Variants in CALB2 observed in about 807,000 individuals in gnomAD.
The protein encoded by CALB2 is calbindin 2.
A neutral mutation model predicts 45.9 loss-of-function variants in CALB2; 34 were observed. The ratio of observed to expected loss-of-function variants is 0.74; its 90% CI spans 0.56 to 0.99. The LOEUF (loss-of-function observed/expected upper bound fraction) is 0.99, where lower values mean the gene tolerates loss of function less well. CALB2 is among the 50% of genes least tolerant of loss of function. The pLI is 0.00. For missense variants in CALB2, 344 were observed against 339.3 expected (o/e 1.01, Z -0.11); for synonymous variants, 142 against 129.6 (o/e 1.10, Z -0.65).
intron 1 of CALB2, among the ~76,000 whole-genome samples, chr16:71,369,541 G>C (rs909287762): frequency 2.6e-5 from 4 of 152,140 alleles, no homozygotes; most frequent in Non-Finnish European, 5.9e-5. Flanking sequence ...TGCTCTGCGG[G>C]CTTCCCCTAC....
At chr16:71,387,769 C>T (rs1177959849) in intron 10 of CALB2, among the ~76,000 whole-genome samples, 2 of 152,160 alleles carry the variant, frequency 1.3e-5, no homozygotes, top group Non-Finnish European at 2.9e-5. Context: ...CCTTCCTTGG[C>T]TTCTGATTAA....
At chr16:71,371,636 C>T (rs2042352227) in intron 1 of CALB2, among the ~76,000 whole-genome samples, 1 of 152,150 alleles carries the variant, frequency 6.6e-6, no homozygotes, top group African/African-American at 2.4e-5. Flanking sequence ...CTCCATGAAG[C>T]CTTCTTACAA....
chr16:71,377,577 T>G (rs1238124773), intron 3 of CALB2, 90 bp from the exon 4 acceptor site: 1 of 836,018 alleles, frequency 1.2e-6, no homozygotes. Flanking sequence ...GCCTCGCCAC[T>G]GGCCCTTTCC....
intron 1 of CALB2, among the ~76,000 whole-genome samples, chr16:71,364,941 C>A (rs533238751): frequency 1.3e-5 from 2 of 152,282 alleles, no homozygotes; most frequent in East Asian, 3.9e-4. Flanking sequence ...AATCTCCTTC[C>A]CCCTCCGATT....
chr16:71,385,528 C>T, intron 9 of CALB2, 49 bp from the exon 10 acceptor site: 1 of 1,565,066 alleles, frequency 6.4e-7, no homozygotes, highest in Non-Finnish European at 8.8e-7. Flanking sequence ...GTCGGGACAG[C>T]AGGGGCCCAG....
At chr16:71,370,272 C>A (rs563575108) in intron 1 of CALB2, among the ~76,000 whole-genome samples, 1 of 152,202 alleles carries the variant, frequency 6.6e-6, no homozygotes, top group Non-Finnish European at 1.5e-5. Context: ...CCCCCCACAA[C>A]CCCTCACAGA....
chr16:71,377,552 C>A (rs533404802), intron 3 of CALB2, 115 bp from the exon 4 acceptor site: 1 of 681,390 alleles, frequency 1.5e-6, no homozygotes, highest in African/African-American at 1.8e-5. Context: ...AGGAAGAAAA[C>A]GCAATTCCCA....
chr16:71,380,699 C>T (rs1411364164), intron 4 of CALB2, among the ~76,000 whole-genome samples: 1 of 152,080 alleles, frequency 6.6e-6, no homozygotes, highest in Admixed American at 6.6e-5. Flanking sequence ...GGGACCCCAC[C>T]CTCCCACAGT....
At chr16:71,369,989 A>G (rs974893525) in intron 1 of CALB2, among the ~76,000 whole-genome samples, 32 of 151,906 alleles carry the variant, frequency 2.1e-4, no homozygotes, top group African/African-American at 6.3e-4. Flanking sequence ...CAGGAACCAC[A>G]CTCTTCTGAA....
chr16:71,364,496 G>A (rs545205240), intron 1 of CALB2, among the ~76,000 whole-genome samples: 16 of 152,298 alleles, frequency 1.1e-4, no homozygotes, highest in African/African-American at 3.8e-4. Flanking sequence ...GCCTGCCGGC[G>A]GATTGCATCC....
chr16:71,362,922 A>G (rs944899765), intron 1 of CALB2, among the ~76,000 whole-genome samples: 1 of 152,230 alleles, frequency 6.6e-6, no homozygotes, highest in African/African-American at 2.4e-5. Context: ...GCTCAGGCCT[A>G]TAATCCCAGC....
intron 9 of CALB2, 112 bp downstream of exon 9, chr16:71,384,948 G>T: frequency 1.1e-6 from 1 of 886,156 alleles, no homozygotes; most frequent in Non-Finnish European, 1.8e-6. Flanking sequence ...CCTGGGCCGT[G>T]TGGTTTCTTC....
In CALB2 at chr16:71,372,209, G is replaced by T. The variant is rs1475918870; in HGVS notation, c.151G>T (p.Ala51Ser). The T allele has an allele frequency of 1.2e-6, 2 of 1,612,860 alleles. No homozygotes were observed. Among genetic ancestry groups the T allele is most frequent in the Non-Finnish European group, 1.7e-6 (2 of 1,179,308 alleles). Residue 51 changes from alanine to serine, a missense_variant, in exon 2 of 11, where the codon GCA (alanine) becomes TCA (serine). Ala to Ser is a moderately conservative substitution (Grantham distance 99). This residue lies in a region of CALB2 where 77 missense variants were observed against 80.5 expected (regional missense o/e 0.96). Transcript: ENST00000302628. ...LENFFQELEK[A>S]RKGSGMMSKS... ...AAACTTTTTCCAAGAGCTGGAGAAG[G>T]CAAGGAAAGGCTCTGGCATGGTAAG...
At chr16:71,374,714 G>A (rs756297028) in intron 2 of CALB2, 31 bp from the exon 3 acceptor site, 65 of 1,468,066 alleles carry the variant, frequency 4.4e-5, no homozygotes, top group Middle Eastern at 1.7e-4. Context: ...AGATACAGCA[G>A]CAAAAATCAG....
At chr16:71,383,521 G>T in intron 6 of CALB2, 77 bp downstream of exon 6, 1 of 1,329,630 alleles carries the variant, frequency 7.5e-7, no homozygotes, top group Non-Finnish European at 1.1e-6. Flanking sequence ...GGTGTGCAGG[G>T]TCCCTTGTTT....
At chr16:71,384,425 C>G (rs368831111) in intron 8 of CALB2, 47 bp downstream of exon 8, 6 of 1,524,734 alleles carry the variant, frequency 3.9e-6, no homozygotes, top group African/African-American at 1.4e-5. Flanking sequence ...TCCCTCTGAG[C>G]CTGGCCCTGC....
At chr16:71,381,086 G>A (rs779997347) in intron 4 of CALB2, among the ~76,000 whole-genome samples, 2 of 152,212 alleles carry the variant, frequency 1.3e-5, no homozygotes, top group Admixed American at 1.3e-4. Flanking sequence ...GCTCTGTGCA[G>A]GGACTGGGGT....
intron 4 of CALB2, among the ~76,000 whole-genome samples, chr16:71,378,795 G>C (rs945017467): frequency 1.3e-5 from 2 of 152,146 alleles, no homozygotes; most frequent in African/African-American, 2.4e-5. Context: ...ACTCAGTTTG[G>C]CTCCAGGATC....
chr16:71,371,620 C>G (rs1001180291), intron 1 of CALB2, among the ~76,000 whole-genome samples: 1 of 152,188 alleles, frequency 6.6e-6, no homozygotes, highest in Non-Finnish European at 1.5e-5. Context: ...TCCTGGGTCT[C>G]TGTGTCTCCA....
Sources: gnomAD v4.1 joint callset for allele counts (sites outside exome capture counted in the v4.1 genomes callset) on GRCh38, gnomAD v4.1.1 for gene constraint, gnomAD v4.1.1 regional missense constraint, MANE v1.5 for transcripts, NCBI Gene and HGNC (gene_info 2026-07-23, HGNC 2026-07-21) for gene names.